Variants in LHFPL4 observed in about 807,000 individuals in gnomAD.
The protein encoded by LHFPL4 is LHFPL tetraspan subfamily member 4 protein.
A neutral mutation model predicts 20.0 loss-of-function variants in LHFPL4; 6 were observed. That is an observed-to-expected ratio of 0.30 (90% CI 0.16 to 0.59). The LOEUF is 0.59. Ranked by LOEUF, LHFPL4 falls within the 20% of genes least tolerant of loss-of-function variation. The probability of loss-of-function intolerance (pLI) is 0.88; values close to 1 mark genes in which losing one functional copy is unlikely to be tolerated. For synonymous variants in LHFPL4, 129 were observed against 143.8 expected (o/e 0.90, Z 0.74); for missense variants, 215 against 331.2 (o/e 0.65, Z 2.72).
intron 2 of LHFPL4, among the ~76,000 whole-genome samples, chr3:9,549,704 T>TA (rs1014223962): frequency 2.6e-5 from 4 of 151,452 alleles, no homozygotes; most frequent in African/African-American, 4.8e-5. Flanking sequence ...TCTCAAAATT[T>TA]AAAAAAAAAG....
At chr3:9,529,625 CTTT>C (rs2046396713) in intron 2 of LHFPL4, among the ~76,000 whole-genome samples, 1 of 151,798 alleles carries the variant, frequency 6.6e-6, no homozygotes, top group Non-Finnish European at 1.5e-5. Context: ...TGAAAGGAAT[CTTT>C]TATTTTATTT....
intron 2 of LHFPL4, among the ~76,000 whole-genome samples, chr3:9,543,914 G>A (rs2046495040): frequency 6.6e-6 from 1 of 151,662 alleles, no homozygotes; most frequent in African/African-American, 2.4e-5. Context: ...GTAGAGATGG[G>A]GTTTCACCAT....
rs1478096908 is a variant in LHFPL4 at position 9,502,221 on chromosome 3, T to A, written c.734A>T (p.Gln245Leu). The change falls in exon 4 of 4, where the codon CAG becomes CTG. Residue 245 changes from glutamine to leucine, a missense_variant. Gln to Leu is a moderately radical substitution (Grantham distance 113). Coordinates refer to ENST00000287585, the MANE Select transcript of LHFPL4 (RefSeq NM_198560.3). ...TGTGATCCTGGCCTTTCAGGGTCCC[T>A]GTGAGTGAGCCACGGGGCAGGGAAG... ...GVLPCPVAHSQGP is the reference protein window; with the variant it reads ...GVLPCPVAHSLGP 8.1e-6 allele frequency: 13 copies of A among 1,613,378 alleles called. No homozygotes were observed. Among genetic ancestry groups the A allele is most frequent in the Non-Finnish European group, 1.1e-5 (13 of 1,179,492 alleles).
At chr3:9,509,652 G>A (rs1336541860) in intron 2 of LHFPL4, among the ~76,000 whole-genome samples, 8 of 152,254 alleles carry the variant, frequency 5.3e-5, no homozygotes, top group Admixed American at 2.6e-4. Flanking sequence ...GGTACTCAGA[G>A]ATGGCTGGGG....
At chr3:9,514,516 A>G (rs2046284741) in intron 2 of LHFPL4, among the ~76,000 whole-genome samples, 1 of 152,170 alleles carries the variant, frequency 6.6e-6, no homozygotes, top group African/African-American at 2.4e-5. Context: ...TTATCACCCA[A>G]AGATCATAGC....
chr3:9,526,380 A>C lies in LHFPL4; in HGVS notation c.407-20177T>G, dbSNP rs539513942. On this transcript the variant is annotated intron_variant, in intron 2 of 3. Coordinates refer to ENST00000287585, the MANE Select transcript of LHFPL4 (RefSeq NM_198560.3). ...GCACCAAAAGACAGTAAAAATGATA[A>C]ATTTTATGTCATGTGTATTTTACCA... 1.2e-4 allele frequency among the ~76,000 whole-genome samples: 18 copies of C among 152,288 alleles called. No homozygotes were observed. In the South Asian group the frequency reaches 3.7e-3, roughly 32 times the overall value.
intron 2 of LHFPL4, among the ~76,000 whole-genome samples, chr3:9,549,962 C>T (rs2046542407): frequency 6.6e-6 from 1 of 152,106 alleles, no homozygotes; most frequent in Admixed American, 6.5e-5. Flanking sequence ...CAACTCCTGG[C>T]CTCAAGCAAT....
intron 3 of LHFPL4, among the ~76,000 whole-genome samples, chr3:9,503,153 A>G (rs1204319371): frequency 6.6e-6 from 1 of 152,082 alleles, no homozygotes; most frequent in African/African-American, 2.4e-5. Flanking sequence ...TTTGGGTTAA[A>G]ACTGAAGTGG....
In LHFPL4 at chr3:9,502,373, C is replaced by T; in HGVS notation, c.644-62G>A. 7.1e-6 allele frequency: 9 copies of T among 1,265,546 alleles called. No individual in the cohort carries two copies. The South Asian group carries it at 1.1e-4, about 16-fold the overall frequency. The allele number at this position is 1,265,546 out of a possible 1,614,324, so 78.4% of individuals were successfully genotyped here. ...TAGAGAAAGTCAGAGGCTGCCTGGG[C>T]ATTCAGGCTTTCCTTGCACATTCCC... On this transcript the variant is annotated intron_variant, in intron 3 of 3. Coordinates refer to ENST00000287585, the MANE Select transcript of LHFPL4 (RefSeq NM_198560.3).
intron 2 of LHFPL4, among the ~76,000 whole-genome samples, chr3:9,512,819 C>T (rs984255655): frequency 3.9e-5 from 6 of 152,236 alleles, no homozygotes; most frequent in Non-Finnish European, 7.3e-5. Context: ...GGTCAGGAAT[C>T]CAGCAGGCAT....
At chr3:9,549,182 G>A (rs374664978) in intron 2 of LHFPL4, among the ~76,000 whole-genome samples, 81 of 152,136 alleles carry the variant, frequency 5.3e-4, no homozygotes, top group African/African-American at 1.8e-3. Context: ...ATATAGTGAC[G>A]TAACTAGACA....
chr3:9,541,595 A>T (rs2046476649), intron 2 of LHFPL4, among the ~76,000 whole-genome samples: 1 of 151,954 alleles, frequency 6.6e-6, no homozygotes, highest in South Asian at 2.1e-4. Context: ...AACATGGTGA[A>T]AACCTGTCTC....
At chr3:9,546,390 A>G (rs1439521886) in intron 2 of LHFPL4, among the ~76,000 whole-genome samples, 1 of 151,856 alleles carries the variant, frequency 6.6e-6, no homozygotes, top group Admixed American at 6.6e-5. Context: ...AGATCCCCCA[A>G]ACCCCTCTAC....
intron 2 of LHFPL4, among the ~76,000 whole-genome samples, chr3:9,517,868 A>G (rs182467276): frequency 1.3e-5 from 2 of 150,594 alleles, no homozygotes; most frequent in East Asian, 3.9e-4. Context: ...ATCATCTACA[A>G]ACAAAGATAG....
At chr3:9,502,766 T>C (rs2046186558) in intron 3 of LHFPL4, among the ~76,000 whole-genome samples, 1 of 151,040 alleles carries the variant, frequency 6.6e-6, no homozygotes. Context: ...AATCCTAGCC[T>C]CACCTGACCA....
At chr3:9,514,556 C>T (rs993756556) in intron 2 of LHFPL4, among the ~76,000 whole-genome samples, 3 of 152,156 alleles carry the variant, frequency 2.0e-5, no homozygotes, top group East Asian at 1.9e-4. Flanking sequence ...TGGTGTTGTA[C>T]GTTCTATGAG....
chr3:9,551,239 T>A (rs1285293096), intron 2 of LHFPL4, among the ~76,000 whole-genome samples: 1 of 152,124 alleles, frequency 6.6e-6, no homozygotes, highest in Admixed American at 6.6e-5. Flanking sequence ...GGTGCTTATT[T>A]TAAAAAACCA....
intron 3 of LHFPL4, 68 bp downstream of exon 3, chr3:9,505,899 G>T: frequency 1.4e-6 from 2 of 1,430,308 alleles, no homozygotes; most frequent in Non-Finnish European, 2.0e-6. Context: ...CCTTTTATTT[G>T]AAATTATCCT....
At chr3:9,523,989 C>CCCG (rs199821914) in intron 2 of LHFPL4, among the ~76,000 whole-genome samples, 1 of 141,392 alleles carries the variant, frequency 7.1e-6, no homozygotes, top group African/African-American at 2.6e-5. Context: ...TATTTCCCCC[C>CCCG]CCCCCAACAC....
Sources: allele counts gnomAD v4.1 joint callset (sites outside exome capture counted in the v4.1 genomes callset), GRCh38; gene constraint gnomAD v4.1.1; transcripts MANE v1.5; gene names NCBI Gene and HGNC (gene_info 2026-07-23, HGNC 2026-07-21).